The following ZFHX4 variants were observed in gnomAD, a reference collection of about 807,000 sequenced individuals.
ZFHX4 encodes the protein zinc finger homeobox 4.
Under a neutral mutation model 267.6 loss-of-function variants are expected in ZFHX4, and 56 were observed. The observed-to-expected ratio is 0.21, with a 90% CI of 0.17 to 0.26. The LOEUF (loss-of-function observed/expected upper bound fraction) is 0.26. ZFHX4 is among the 10% of genes least tolerant of loss of function. ZFHX4 has a pLI of 1.00. For synonymous variants in ZFHX4, 1,778 were observed against 1,665.6 expected (o/e 1.07, Z -1.64); for missense variants, 4,332 against 4,420.0 (o/e 0.98, Z 0.56).
chr8:76,818,694 T>G (rs1811567738), intron 4 of ZFHX4, among the ~76,000 whole-genome samples: 1 of 152,018 alleles, frequency 6.6e-6, no homozygotes, highest in Non-Finnish European at 1.5e-5. Context: ...GGGAGATCAC[T>G]TGAGCCCAGG....
rs1264694025 is a variant in ZFHX4 at position 76,708,252 on chromosome 8, C to T, written c.3093+204C>T. On this transcript the variant is annotated intron_variant, in intron 3 of 10. Transcript: ENST00000651372. ...TTATTTATAAAGTTTTACCCTATGTCTCACTTACACCTGTCTCAGTGGCAT... is the reference window on the plus strand; with the variant it reads ...TTATTTATAAAGTTTTACCCTATGTTTCACTTACACCTGTCTCAGTGGCAT... 2.9e-5 allele frequency: 19 copies of T among 646,510 alleles called. No homozygotes were observed. In the South Asian group the frequency reaches 3.8e-4, roughly 13 times the overall value. The allele number at this position is 646,510 out of a possible 1,614,324, so 40.0% of individuals were successfully genotyped here.
At chr8:76,728,460 G>A (rs982675537) in intron 3 of ZFHX4, among the ~76,000 whole-genome samples, 1 of 152,184 alleles carries the variant, frequency 6.6e-6, no homozygotes, top group African/African-American at 2.4e-5. Flanking sequence ...CCCTCTGGGG[G>A]ATATGAAAAT....
chr8:76,712,001 T>C (rs1369810093), intron 3 of ZFHX4, among the ~76,000 whole-genome samples: 1 of 152,226 alleles, frequency 6.6e-6, no homozygotes, highest in Non-Finnish European at 1.5e-5. Flanking sequence ...CAGCTTTGCT[T>C]GTTCAAAGTC....
At chr8:76,718,526 T>C (rs1298172641) in intron 3 of ZFHX4, among the ~76,000 whole-genome samples, 3 of 152,078 alleles carry the variant, frequency 2.0e-5, no homozygotes, top group African/African-American at 7.2e-5. Flanking sequence ...CCTGAGAAAA[T>C]ACTCCCCAGT....
In ZFHX4 at chr8:76,804,750, C is replaced by A. The variant is rs112843862; in HGVS notation, c.3325+26311C>A. ...ACCTTTAAATATTTATTTATTTAAC[C>A]ATCCACTGGGAGGTTTAAAGTCGGA... On this transcript the variant is annotated intron_variant, in intron 4 of 10. Transcript: ENST00000651372. Among the ~76,000 whole-genome samples the A allele has an allele frequency of 5.3e-5, 8 of 152,086 alleles. No individual in the cohort carries two copies. In the East Asian group the frequency reaches 1.2e-3, roughly 22 times the overall value.
At chr8:76,821,603 T>C (rs1811651038) in intron 4 of ZFHX4, among the ~76,000 whole-genome samples, 2 of 152,048 alleles carry the variant, frequency 1.3e-5, no homozygotes, top group Admixed American at 1.3e-4. Flanking sequence ...TGATCAGTTT[T>C]CTTCATTGGT....
At chr8:76,688,138 C>G (rs1807737871) in intron 1 of ZFHX4, among the ~76,000 whole-genome samples, 1 of 152,168 alleles carries the variant, frequency 6.6e-6, no homozygotes, top group Non-Finnish European at 1.5e-5. Flanking sequence ...ACATGCCAGG[C>G]TAGCCAAATA....
chr8:76,863,919 A>G lies in ZFHX4; in HGVS notation c.10205A>G (p.Glu3402Gly). Residue 3402 changes from glutamate to glycine, a missense_variant, in exon 11 of 11, where the codon GAG becomes GGG. Physicochemically the swap from Glu to Gly is moderately conservative, Grantham distance 98. This residue lies in a region of ZFHX4 where 1,648 missense variants were observed against 1,625.0 expected (regional missense o/e 1.01). Coordinates refer to ENST00000651372, the MANE Select transcript of ZFHX4 (RefSeq NM_024721.5). Reference sequence around the variant, plus strand: ...TACGTTGTTCCATTCGTCAAGTATGAGTTTATATGCAGAAAGTGCCAGATG... The same window carrying G: ...TACGTTGTTCCATTCGTCAAGTATGGGTTTATATGCAGAAAGTGCCAGATG... ...DTYVVPFVKYEFICRKCQMMF... is the reference protein window; with the variant it reads ...DTYVVPFVKYGFICRKCQMMF... 3 of 1,592,250 alleles carry G rather than the reference A, an allele frequency of 1.9e-6. No homozygotes were observed. The highest frequency in any genetic ancestry group is 2.6e-6 in the Non-Finnish European group (3 of 1,168,652).
intron 3 of ZFHX4, among the ~76,000 whole-genome samples, chr8:76,745,397 CT>C (rs1395270576): frequency 6.6e-6 from 1 of 151,978 alleles, no homozygotes; most frequent in Non-Finnish European, 1.5e-5. Context: ...TTTTGTTATC[CT>C]TTCTTGGAGG....
chr8:76,863,272 C>T lies in ZFHX4; in HGVS notation c.9558C>T (p.Asn3186=), dbSNP rs1462512021. 2 of 1,610,868 alleles carry T rather than the reference C, an allele frequency of 1.2e-6. No individual in the cohort carries two copies. Among genetic ancestry groups the T allele is most frequent in the African/African-American group, 1.3e-5 (1 of 74,690 alleles). The stretch of plus-strand genomic sequence containing the variant: ...CAGGACAGCAGACCGAGCAACAGAA[C>T]AAAGAATCTGAGAAAAAGCAAACTA... ...SLSGQQTEQQ[N]KESEKKQTKP... Residue 3186 remains asparagine, a synonymous_variant, in exon 11 of 11, where the codon AAC becomes AAT. Coordinates refer to ENST00000651372, the MANE Select transcript of ZFHX4 (RefSeq NM_024721.5).
intron 10 of ZFHX4, among the ~76,000 whole-genome samples, chr8:76,856,831 A>G (rs1812741272): frequency 6.6e-6 from 1 of 152,162 alleles, no homozygotes; most frequent in African/African-American, 2.4e-5. Flanking sequence ...CTAGCAGATT[A>G]ATAGGACTTA....
intron 3 of ZFHX4, among the ~76,000 whole-genome samples, chr8:76,711,480 G>T (rs1344994639): frequency 6.6e-6 from 1 of 152,172 alleles, no homozygotes; most frequent in East Asian, 1.9e-4. Flanking sequence ...GAATGTGTGT[G>T]TCTGTGTGTG....
At chr8:76,717,201 T>C (rs1234342406) in intron 3 of ZFHX4, among the ~76,000 whole-genome samples, 1 of 152,220 alleles carries the variant, frequency 6.6e-6, no homozygotes, top group African/African-American at 2.4e-5. Context: ...TTATTATTAT[T>C]ATCTTAATTT....
At position 76,852,385 on chromosome 8, in the gene ZFHX4, C is replaced by A; in HGVS notation, c.5464C>A (p.Pro1822Thr). 1 of 1,554,414 alleles carries A rather than the reference C, an allele frequency of 6.4e-7. No individual in the cohort carries two copies. The stretch of plus-strand genomic sequence containing the variant: ...AAAACAACAGCAGCAGCCACCACCT[C>A]CACAGCAGCAGCAGCAACAGCAGGC... ...PQKQQQQPPP[P>T]QQQQQQQASK... The change falls in exon 10 of 11, where the codon CCA becomes ACA. Residue 1822 changes from proline to threonine, a missense_variant. By Grantham distance (38) the Pro-to-Thr change is conservative (BLOSUM62 -1). Transcript: ENST00000651372.
At chr8:76,693,894 G>T (rs551823358) in intron 1 of ZFHX4, among the ~76,000 whole-genome samples, 117 of 152,272 alleles carry the variant, frequency 7.7e-4, no homozygotes, top group African/African-American at 2.8e-3. Context: ...ACTTGAAGTG[G>T]CTCACCTCTG....
chr8:76,707,087 A>G (rs73690866), intron 2 of ZFHX4, among the ~76,000 whole-genome samples: 1,890 of 152,330 alleles, frequency 0.012, 38 homozygotes, highest in African/African-American at 0.044. Context: ...GAAATATTTT[A>G]ATGGCTGTGA....
chr8:76,751,737 A>G (rs188135798), intron 3 of ZFHX4, among the ~76,000 whole-genome samples: 108 of 152,318 alleles, frequency 7.1e-4, no homozygotes, highest in African/African-American at 2.5e-3. Flanking sequence ...CACTCTCTAC[A>G]TACATCATTC....
chr8:76,712,661 C>T lies in ZFHX4; in HGVS notation c.3093+4613C>T, dbSNP rs537116329. Among the ~76,000 whole-genome samples, 171 of 152,168 alleles carry T rather than the reference C, an allele frequency of 1.1e-3. 1 individual carries two copies. Among genetic ancestry groups the T allele is most frequent in the African/African-American group, 3.7e-3 (154 of 41,506 alleles). On this transcript the variant is annotated intron_variant, in intron 3 of 10. Coordinates refer to ENST00000651372, the MANE Select transcript of ZFHX4 (RefSeq NM_024721.5). Reference sequence around the variant, plus strand: ...ATCTAAGAAACCAAAACAAGTTTTTCTTAATCTTATTCTAGTCATTTGTTT... The same window carrying T: ...ATCTAAGAAACCAAAACAAGTTTTTTTTAATCTTATTCTAGTCATTTGTTT...
chr8:76,804,584 A>G (rs7818907), intron 4 of ZFHX4, among the ~76,000 whole-genome samples: 8,267 of 152,164 alleles, frequency 0.054, 451 homozygotes, highest in African/African-American at 0.13. Flanking sequence ...CTTTTCAAAC[A>G]TTACCTTTAA....
Sources: gnomAD v4.1 joint callset for allele counts (sites outside exome capture counted in the v4.1 genomes callset) on GRCh38, gnomAD v4.1.1 for gene constraint, gnomAD v4.1.1 regional missense constraint, MANE v1.5 for transcripts, NCBI Gene and HGNC (gene_info 2026-07-23, HGNC 2026-07-21) for gene names.